Variants in DHX8 observed in about 807,000 individuals in gnomAD.
DHX8 encodes the protein DEAH-box helicase 8.
DHX8 carries 67 observed loss-of-function variants against 140.7 expected under a neutral mutation model. The ratio of observed to expected loss-of-function variants is 0.48; its 90% confidence interval spans 0.39 to 0.58. The LOEUF (loss-of-function observed/expected upper bound fraction) is 0.58. Among genes scored for constraint, DHX8 ranks in the 20% least tolerant of loss-of-function variants. The probability of loss-of-function intolerance (pLI) is 0.00; values close to 1 mark genes in which losing one functional copy is unlikely to be tolerated. For synonymous variants in DHX8, 533 were observed against 553.2 expected, an observed-to-expected ratio of 0.96 and a Z score of 0.51; for missense variants, 887 against 1,550.7, an observed-to-expected ratio of 0.57 and a Z score of 7.19.
At chr17:43,484,717 C>T (rs1410396412) in intron 1 of DHX8, among the ~76,000 whole-genome samples, 1 of 152,220 alleles carries the variant, frequency 6.6e-6, no homozygotes, top group Non-Finnish European at 1.5e-5. Flanking sequence ...TCTCGGCTCA[C>T]TGCAGCCTCC....
chr17:43,485,972 C>T (rs1968118355), intron 1 of DHX8, among the ~76,000 whole-genome samples: 2 of 152,058 alleles, frequency 1.3e-5, no homozygotes, highest in South Asian at 4.1e-4. Context: ...CAAGACAGGC[C>T]GATCCCCTGA....
In DHX8 at chr17:43,516,992, T is replaced by C. The variant is rs1970146929; in HGVS notation, c.2644-175T>C. ...ACAAACTTCCCCGAAGTGCTGAGTA[T>C]GGAGAGGGGAAGATAAGAGCATTGG... is the stretch of plus-strand genomic sequence containing the variant. On this transcript the variant is annotated intron_variant, in intron 17 of 22. Transcript: ENST00000262415. Among the ~76,000 whole-genome samples, 3 of 152,152 alleles carry C rather than the reference T, an allele frequency of 2.0e-5. No individual in the cohort carries two copies. In the South Asian group the frequency reaches 6.2e-4, roughly 31 times the overall value.
downstream of DHX8, chr17:43,530,421 G>C (rs1970852807): frequency 3.8e-5 from 54 of 1,407,692 alleles, 1 homozygote; most frequent in South Asian, 7.6e-4. Flanking sequence ...AGGCAGCAGC[G>C]GGGGCTGGGC....
intron 9 of DHX8, among the ~76,000 whole-genome samples, chr17:43,496,648 C>T (rs1307286890): frequency 1.3e-5 from 2 of 151,912 alleles, no homozygotes; most frequent in African/African-American, 4.8e-5. Flanking sequence ...GGTGTGGTGG[C>T]GCATGCCTAT....
intron 16 of DHX8, among the ~76,000 whole-genome samples, chr17:43,513,083 G>A (rs901192282): frequency 6.6e-6 from 1 of 152,168 alleles, no homozygotes; most frequent in African/African-American, 2.4e-5. Context: ...GAGATACACA[G>A]TAGCTATTTG....
downstream of DHX8, chr17:43,529,817 A>G: frequency 6.2e-7 from 1 of 1,600,294 alleles, no homozygotes; most frequent in South Asian, 1.1e-5. Context: ...ATGAAACGTG[A>G]TGTGACTCCT....
intron 9 of DHX8, among the ~76,000 whole-genome samples, chr17:43,496,797 G>A (rs1206669362): frequency 6.6e-6 from 1 of 151,796 alleles, no homozygotes; most frequent in Non-Finnish European, 1.5e-5. Flanking sequence ...AAGCTTTCAG[G>A]ATATAAAAAG....
At position 43,493,400 on chromosome 17, in the gene DHX8, A is replaced by G. The variant is rs746843678; in HGVS notation, c.864-45A>G. ...GTAAGGGTAGAAATTGGTTGGGGGA[A>G]AAATATTTTTTGGCATGTTCCAGAT... On this transcript the variant is annotated intron_variant, in intron 6 of 22. Transcript: ENST00000262415. 8.1e-6 allele frequency: 13 copies of G among 1,597,778 alleles called. No individual in the cohort carries two copies. In the African/African-American group the frequency reaches 1.7e-4, roughly 21 times the overall value.
chr17:43,507,453 G>A, intron 13 of DHX8, 50 bp from the exon 14 acceptor site: 1 of 1,543,746 alleles, frequency 6.5e-7, no homozygotes, highest in Non-Finnish European at 8.8e-7. Flanking sequence ...CTGGTGATTG[G>A]GAAAAGGAGA....
At chr17:43,538,989 T>G (rs1238142649) in intron 3 of DHX8, among the ~76,000 whole-genome samples, 1 of 152,204 alleles carries the variant, frequency 6.6e-6, no homozygotes, top group East Asian at 1.9e-4. Flanking sequence ...CTCTCTAGGC[T>G]AAGGCTCCAT....
At chr17:43,520,601 A>G in intron 19 of DHX8, 150 bp from the exon 20 acceptor site, 1 of 891,004 alleles carries the variant, frequency 1.1e-6, no homozygotes, top group Non-Finnish European at 1.7e-6. Context: ...AATAAACAAC[A>G]GCATTCTTCT....
chr17:43,489,548 G>A lies in DHX8; in HGVS notation c.234+14G>A, dbSNP rs368651624. 6.7e-6 allele frequency: 10 copies of A among 1,502,120 alleles called. No homozygotes were observed. The highest frequency in any genetic ancestry group is 9.2e-6 in the Non-Finnish European group (10 of 1,085,226). The allele number at this position is 1,502,120 out of a possible 1,614,324, so 93.0% of individuals were successfully genotyped here. Reference sequence around the variant, plus strand: ...GCAGAATTTACGGTATGTATATGTGGAGAAGATAATCTGTAGATATTAATG... The same window carrying A: ...GCAGAATTTACGGTATGTATATGTGAAGAAGATAATCTGTAGATATTAATG... On this transcript the variant is annotated intron_variant, in intron 2 of 22. Transcript: ENST00000262415.
intron 2 of DHX8, chr17:43,533,179 C>T: frequency 2.5e-6 from 4 of 1,613,304 alleles, no homozygotes; most frequent in South Asian, 2.2e-5. Flanking sequence ...GTTTCCCTGT[C>T]TCCTTACCTA....
chr17:43,504,578 AT>A, intron 11 of DHX8, 65 bp from the exon 12 acceptor site: 6 of 1,504,956 alleles, frequency 4.0e-6, no homozygotes, highest in Admixed American at 2.2e-5. Context: ...ATGCCATTTT[AT>A]TTTTTTCCTG....
At chr17:43,528,852 C>T (rs1349915474), downstream of DHX8, 16 of 834,438 alleles carry the variant, frequency 1.9e-5, no homozygotes, top group Non-Finnish European at 2.7e-5. Context: ...GGCAGATGCT[C>T]GGGGCATTTC....
downstream of DHX8, chr17:43,530,473 T>C: frequency 7.6e-7 from 1 of 1,310,314 alleles, no homozygotes; most frequent in Non-Finnish European, 9.8e-7. Flanking sequence ...AGCAGCTGTT[T>C]CCTGCGAGTT....
Position 43,484,184 on chromosome 17 carries a change from T to C in DHX8, c.147T>C (p.Leu49=). The C allele has an allele frequency of 6.2e-7, 1 of 1,613,704 alleles. No homozygotes were observed. Among genetic ancestry groups the C allele is most frequent in the Non-Finnish European group, 8.5e-7 (1 of 1,179,830 alleles). ...ACTTGGGGATCAACGACAAGGACCT[T>C]GGTGAGCTCGGGGAGGTCCCTGGGA... ...DNHLGINDKD[L]AEFVISLAEK... Residue 49 remains leucine (L), a splice_region_variant and synonymous_variant, in exon 1 of 23, where the codon CTT becomes CTC. Transcript: ENST00000262415.
chr17:43,532,296 C>A (rs563354684), intron 2 of DHX8, among the ~76,000 whole-genome samples: 1 of 152,228 alleles, frequency 6.6e-6, no homozygotes, highest in African/African-American at 2.4e-5. Context: ...GTCAGGAGTT[C>A]GAGACCATCC....
chr17:43,531,055 A>G (rs1358055714), downstream of DHX8, among the ~76,000 whole-genome samples: 1 of 152,140 alleles, frequency 6.6e-6, no homozygotes, highest in Non-Finnish European at 1.5e-5. Flanking sequence ...TCCTCTCCCC[A>G]GCTCACTGCC....
Sources: gnomAD v4.1 joint callset for allele counts (sites outside exome capture counted in the v4.1 genomes callset) on GRCh38, gnomAD v4.1.1 for gene constraint, MANE v1.5 for transcripts, NCBI Gene and HGNC (gene_info 2026-07-23, HGNC 2026-07-21) for gene names.